Variants in NAALADL2 observed in about 807,000 individuals in gnomAD.
NAALADL2 encodes the protein inactive N-acetylated-alpha-linked acidic dipeptidase-like protein 2.
A neutral mutation model predicts 87.2 loss-of-function variants in NAALADL2; 76 were observed. The observed-to-expected ratio is 0.87, with a 90% CI of 0.72 to 1.05. The LOEUF (loss-of-function observed/expected upper bound fraction) is 1.05, where lower values mean the gene tolerates loss of function less well. NAALADL2 is among the 50% of genes least tolerant of loss of function. The pLI is 0.00. For synonymous variants in NAALADL2, 354 were observed against 331.0 expected, an observed-to-expected ratio of 1.07 and a Z score of -0.75; for missense variants, 1,089 against 945.8, an observed-to-expected ratio of 1.15 and a Z score of -1.99.
intron 3 of NAALADL2, among the ~76,000 whole-genome samples, chr3:174,763,695 G>A (rs185346025): frequency 5.3e-5 from 8 of 151,066 alleles, no homozygotes; most frequent in African/African-American, 1.9e-4. Flanking sequence ...GTGTTAATGG[G>A]GTAGAAAATG....
chr3:174,521,753 G>T (rs1194676768), intron 1 of NAALADL2, among the ~76,000 whole-genome samples: 2 of 152,006 alleles, frequency 1.3e-5, no homozygotes, highest in East Asian at 1.9e-4. Flanking sequence ...TAGACATAAA[G>T]ATTGAATTCA....
At chr3:174,488,138 C>T (rs1463407993) in intron 1 of NAALADL2, among the ~76,000 whole-genome samples, 7 of 151,956 alleles carry the variant, frequency 4.6e-5, no homozygotes, top group Admixed American at 4.6e-4. Flanking sequence ...TATTATCATT[C>T]TCCTGCCTTT....
chr3:174,587,626 C>T (rs1442290737), intron 2 of NAALADL2, among the ~76,000 whole-genome samples: 1 of 152,160 alleles, frequency 6.6e-6, no homozygotes, highest in African/African-American at 2.4e-5. Context: ...ATTTCTCCTT[C>T]ACTTATGAAG....
intron 2 of NAALADL2, among the ~76,000 whole-genome samples, chr3:174,704,760 T>C (rs9828166): frequency 0.014 from 2,086 of 152,250 alleles, 58 homozygotes; most frequent in African/African-American, 0.049. Context: ...AATTGGATAA[T>C]ATCAGACCAA....
At chr3:175,621,417 C>T (rs1042954749) in intron 10 of NAALADL2, among the ~76,000 whole-genome samples, 2 of 152,162 alleles carry the variant, frequency 1.3e-5, no homozygotes, top group Non-Finnish European at 2.9e-5. Context: ...GGGTTTTATA[C>T]CCCTTTCAAG....
chr3:174,570,436 A>G lies in NAALADL2; in HGVS notation c.-115+19799A>G, dbSNP rs967031153. Among the ~76,000 whole-genome samples the G allele has an allele frequency of 2.6e-5, 4 of 152,218 alleles. No individual in the cohort carries two copies. In the South Asian group the frequency reaches 8.3e-4, roughly 31 times the overall value. On this transcript the variant is annotated intron_variant, in intron 2 of 3. Transcript: ENST00000434257. Reference sequence around the variant, plus strand: ...ACAGGTTGATTTGTATTTCAAATAAACAATTTATTAGATTGTTGTATTTTA... The same window carrying G: ...ACAGGTTGATTTGTATTTCAAATAAGCAATTTATTAGATTGTTGTATTTTA...
intron 2 of NAALADL2, among the ~76,000 whole-genome samples, chr3:174,736,640 G>A (rs1166093987): frequency 6.6e-6 from 1 of 152,184 alleles, no homozygotes; most frequent in African/African-American, 2.4e-5. Flanking sequence ...TGGGGAGGAA[G>A]TGCATACTGA....
chr3:174,823,138 G>C (rs76446339), intron 3 of NAALADL2, among the ~76,000 whole-genome samples: 3,924 of 152,180 alleles, frequency 0.026, 163 homozygotes, highest in African/African-American at 0.089. Flanking sequence ...CATCAAAGTA[G>C]GTATGATTTA....
At chr3:175,269,295 A>G (rs1349510418) in intron 4 of NAALADL2, among the ~76,000 whole-genome samples, 1 of 152,208 alleles carries the variant, frequency 6.6e-6, no homozygotes, top group East Asian at 1.9e-4. Flanking sequence ...AAAAATATAC[A>G]TAGTATAGTA....
chr3:175,403,313 G>C (rs1711691725), intron 5 of NAALADL2, among the ~76,000 whole-genome samples: 1 of 151,978 alleles, frequency 6.6e-6, no homozygotes, highest in South Asian at 2.1e-4. Flanking sequence ...GAGGTATACA[G>C]AAGTGAATTG....
intron 1 of NAALADL2, among the ~76,000 whole-genome samples, chr3:174,913,298 A>G (rs1733943191): frequency 6.6e-6 from 1 of 152,120 alleles, no homozygotes; most frequent in Admixed American, 6.6e-5. Flanking sequence ...TGTCACCTGC[A>G]AGTATTCTAG....
chr3:174,882,797 ACG>A (rs1729542407), intron 1 of NAALADL2, among the ~76,000 whole-genome samples: 2 of 107,238 alleles, frequency 1.9e-5, no homozygotes, highest in Non-Finnish European at 3.7e-5. Context: ...GTATATATAC[ACG>A]TGTGTATATG....
chr3:175,207,149 A>G (rs1374682703), intron 2 of NAALADL2, among the ~76,000 whole-genome samples: 2 of 152,152 alleles, frequency 1.3e-5, no homozygotes, highest in Non-Finnish European at 2.9e-5. Flanking sequence ...AGGACTCAAT[A>G]TTTCTTTAAT....
At chr3:175,208,988 C>G (rs1040488451) in intron 2 of NAALADL2, among the ~76,000 whole-genome samples, 3 of 152,104 alleles carry the variant, frequency 2.0e-5, no homozygotes, top group Non-Finnish European at 4.4e-5. Flanking sequence ...TTTGCAGTGG[C>G]TACAAAATTA....
intron 2 of NAALADL2, among the ~76,000 whole-genome samples, chr3:174,616,158 G>T (rs1202403278): frequency 6.6e-6 from 1 of 151,658 alleles, no homozygotes; most frequent in African/African-American, 2.4e-5. Flanking sequence ...AAACACAATC[G>T]TTGATGTTGT....
intron 2 of NAALADL2, among the ~76,000 whole-genome samples, chr3:174,710,278 C>A (rs9811317): frequency 0.29 from 41,770 of 144,972 alleles, 6,376 homozygotes; most frequent in East Asian, 0.41. Flanking sequence ...TTTTTGAGAC[C>A]GAGTCTTGCT....
At chr3:175,088,281 CAATATAGAT>C (rs1336453126) in intron 1 of NAALADL2, among the ~76,000 whole-genome samples, 1 of 152,082 alleles carries the variant, frequency 6.6e-6, no homozygotes, top group Non-Finnish European at 1.5e-5. Flanking sequence ...AGAATTTACC[CAATATAGAT>C]TTGGGAGGTT....
intron 2 of NAALADL2, among the ~76,000 whole-genome samples, chr3:174,672,349 G>T (rs1726634078): frequency 6.6e-6 from 1 of 151,998 alleles, no homozygotes; most frequent in Non-Finnish European, 1.5e-5. Flanking sequence ...TTTGCCAAAA[G>T]ATGTGTGGAA....
intron 1 of NAALADL2, among the ~76,000 whole-genome samples, chr3:174,909,258 G>C (rs574665459): frequency 6.6e-6 from 1 of 151,990 alleles, no homozygotes; most frequent in Admixed American, 6.6e-5. Context: ...TCCTGGCATG[G>C]TGACGGGTGC....
Sources: gnomAD v4.1 joint callset for allele counts (sites outside exome capture counted in the v4.1 genomes callset) on GRCh38, gnomAD v4.1.1 for gene constraint, MANE v1.5 for transcripts, NCBI Gene and HGNC (gene_info 2026-07-23, HGNC 2026-07-21) for gene names.